IRAG2: variants seen among roughly 807,000 people sequenced by gnomAD.
The protein encoded by IRAG2 is inositol 1,4,5-triphosphate receptor associated 2, also known as lymphoid restricted membrane protein.
Under a neutral mutation model 69.9 loss-of-function variants are expected in IRAG2, and 45 were observed. That is an observed-to-expected ratio of 0.64 (90% CI 0.51 to 0.83). IRAG2 has a LOEUF of 0.83. IRAG2 is among the 40% of genes least tolerant of loss of function. The probability of loss-of-function intolerance (pLI) is 0.00; values close to 1 mark genes in which losing one functional copy is unlikely to be tolerated. For missense variants in IRAG2, 520 were observed against 587.0 expected, an observed-to-expected ratio of 0.89 and a Z score of 1.18; for synonymous variants, 193 against 202.4, an observed-to-expected ratio of 0.95 and a Z score of 0.40.
intron 20 of IRAG2, 87 bp from the exon 21 acceptor site, chr12:25,106,841 TTTGTGAGCCTCTTGA>T (rs2140283911): frequency 7.0e-6 from 3 of 428,000 alleles, no homozygotes; most frequent in Middle Eastern, 6.2e-4. Context: ...AGAACAAATA[TTTGTGAGCCTCTTGA>T]GTTACAGTAA....
At position 25,107,861 on chromosome 12, in the gene IRAG2, T is replaced by A. The variant is rs1445140674; in HGVS notation, c.1301T>A (p.Ile434Asn). Reference protein sequence around the residue: ...ASWATNLKSSIRKANKALWLS... With the variant: ...ASWATNLKSSNRKANKALWLS... ...TGGGCAACAAATCTCAAGTCCTCCA[T>A]CAGAAAGGCTAATAAGGCCCTCTGG... is the stretch of plus-strand genomic sequence containing the variant. Residue 434 changes from isoleucine to asparagine, a missense_variant, in exon 22 of 22, where the codon ATC (isoleucine) becomes AAC (asparagine). Transcript: ENST00000556887. 2.5e-6 allele frequency: 4 copies of A among 1,613,930 alleles called. No homozygotes were observed. Among genetic ancestry groups the A allele is most frequent in the Non-Finnish European group, 3.4e-6 (4 of 1,179,874 alleles).
chr12:25,076,791 T>C (rs1163228280), intron 6 of IRAG2, among the ~76,000 whole-genome samples: 1 of 152,120 alleles, frequency 6.6e-6, no homozygotes, highest in African/African-American at 2.4e-5. Flanking sequence ...TTCTTATTGA[T>C]TTTTATGAAG....
exon 1 of IRAG2, chr12:25,004,362 A>G: frequency 8.1e-7 from 1 of 1,232,158 alleles, no homozygotes; most frequent in Non-Finnish European, 1.0e-6. Flanking sequence ...CAAGGAAGGT[A>G]ACTGAGAAGC....
chr12:25,006,658 T>G (rs1349182011), intron 2 of IRAG2, among the ~76,000 whole-genome samples: 1 of 152,122 alleles, frequency 6.6e-6, no homozygotes, highest in East Asian at 1.9e-4. Flanking sequence ...CAATTTTAAG[T>G]GGGAGTTAGA....
At position 25,075,521 on chromosome 12, in the gene IRAG2, CGTGTGTGTGTGTGTGT is replaced by C. The variant is rs747046833; in HGVS notation, c.25-3702_25-3687del. On this transcript the variant is annotated intron_variant, in intron 6 of 21. Coordinates refer to ENST00000556887, the MANE Select transcript of IRAG2 (RefSeq NM_001366544.2). ...AATAATATTGCTGTGTGTGTGTATGCGTGTGTGTGTGTGTGTGTGTGTGTGTGTGTGTGTGTATGTG... is the reference window on the plus strand; with the variant it reads ...AATAATATTGCTGTGTGTGTGTATGCGTGTGTGTGTGTGTGTGTGTATGTG... Among the ~76,000 whole-genome samples, 12 of 139,372 alleles carry C rather than the reference CGTGTGTGTGTGTGTGT, an allele frequency of 8.6e-5. No individual in the cohort carries two copies. In the South Asian group the frequency reaches 2.6e-3, roughly 30 times the overall value. 91.4% of individuals were successfully genotyped at this position (139,372 alleles called of 152,430 possible).
chr12:25,107,844 A>C lies in IRAG2; in HGVS notation c.1284A>C (p.Thr428=). ...ATGACACAATAGCTTCCTGGGCAAC[A>C]AATCTCAAGTCCTCCATCAGAAAGG... The part of the protein sequence containing the change: ...SVYDTIASWA[T]NLKSSIRKAN... The change falls in exon 22 of 22, where the codon ACA becomes ACC. Residue 428 remains threonine, a synonymous_variant. Transcript: ENST00000556887. 1 of 1,613,704 alleles carries C rather than the reference A, an allele frequency of 6.2e-7. No homozygotes were observed. The highest frequency in any genetic ancestry group is 8.5e-7 in the Non-Finnish European group (1 of 1,179,568).
At chr12:25,086,279 C>T (rs537790920) in intron 10 of IRAG2, among the ~76,000 whole-genome samples, 8 of 50,672 alleles carry the variant, frequency 1.6e-4, no homozygotes, top group African/African-American at 4.5e-4. Flanking sequence ...TGACATGTCA[C>T]GGGTATGGGA....
chr12:25,051,161 A>G (rs889056463), upstream of IRAG2, among the ~76,000 whole-genome samples: 7 of 152,038 alleles, frequency 4.6e-5, no homozygotes, highest in African/African-American at 1.7e-4. Flanking sequence ...AGAGAGAAAA[A>G]GAGAGTGAGA....
Position 25,104,063 on chromosome 12 carries a change from G to A in IRAG2, c.1046+5G>A. On this transcript the variant is annotated splice_donor_5th_base_variant and intron_variant, in intron 19 of 21. Transcript: ENST00000556887. Reference sequence around the variant, plus strand: ...CAGTAGAAGGTCAAGCAGTTGGTAAGTGTAATTTTATGGTTCCTCTTTGGG... The same window carrying A: ...CAGTAGAAGGTCAAGCAGTTGGTAAATGTAATTTTATGGTTCCTCTTTGGG... 1 of 1,612,890 alleles carries A rather than the reference G, an allele frequency of 6.2e-7. No individual in the cohort carries two copies. Among genetic ancestry groups the A allele is most frequent in the Non-Finnish European group, 8.5e-7 (1 of 1,179,498 alleles).
Position 25,107,875 on chromosome 12 carries a change from A to G in IRAG2, c.1315A>G (p.Lys439Glu), listed in dbSNP as rs376324017. 1 of 1,614,138 alleles carries G rather than the reference A, an allele frequency of 6.2e-7. No homozygotes were observed. Among genetic ancestry groups the G allele is most frequent in the Non-Finnish European group, 8.5e-7 (1 of 1,179,950 alleles). ...CAAGTCCTCCATCAGAAAGGCTAATAAGGCCCTCTGGCTCTCTATTGCATT... is the reference window on the plus strand; with the variant it reads ...CAAGTCCTCCATCAGAAAGGCTAATGAGGCCCTCTGGCTCTCTATTGCATT... ...NLKSSIRKAN[K>E]ALWLSIAFIV... The change falls in exon 22 of 22, where the codon AAG (lysine) becomes GAG (glutamate). Residue 439 changes from lysine to glutamate, a missense_variant. Transcript: ENST00000556887.
At chr12:25,086,852 G>A (rs1565574423) in intron 10 of IRAG2, among the ~76,000 whole-genome samples, 1 of 152,164 alleles carries the variant, frequency 6.6e-6, no homozygotes, top group African/African-American at 2.4e-5. Context: ...AAGGGGTAGA[G>A]TAGTTAATTG....
At chr12:25,077,207 A>C (rs985158613) in intron 6 of IRAG2, among the ~76,000 whole-genome samples, 4 of 88,312 alleles carry the variant, frequency 4.5e-5, no homozygotes, top group African/African-American at 1.4e-4. Context: ...AAATATATAT[A>C]TGATATATAT....
At chr12:25,033,418 G>A (rs143003621) in intron 12 of IRAG2, among the ~76,000 whole-genome samples, 69 of 152,304 alleles carry the variant, frequency 4.5e-4, no homozygotes, top group African/African-American at 1.7e-3. Context: ...AATGGAATAT[G>A]CACGCATCTA....
In IRAG2 at chr12:25,100,241, A is replaced by AG. The variant is rs1432011049; in HGVS notation, c.742-935dup. Among the ~76,000 whole-genome samples the AG allele has an allele frequency of 6.6e-5, 10 of 152,180 alleles. No individual in the cohort carries two copies. In the South Asian group the frequency reaches 1.9e-3, roughly 28 times the overall value. On this transcript the variant is annotated intron_variant, in intron 15 of 21. Transcript: ENST00000556887. ...GAAGGAGGGAGGGAGGAAGCAAAGA[A>AG]GGAATAGTGTTGGTGAGGATGTGGG...
At chr12:25,004,819 A>G in exon 1 of IRAG2, 1 of 1,232,128 alleles carries the variant, frequency 8.1e-7, no homozygotes, top group Non-Finnish European at 1.0e-6. Flanking sequence ...TAATTTTAGT[A>G]CCTTAACACT....
At chr12:25,107,783 C>T (rs200457909) in intron 21 of IRAG2, 34 bp from the exon 22 acceptor site, 73 of 1,593,582 alleles carry the variant, frequency 4.6e-5, no homozygotes, top group Middle Eastern at 1.7e-4. Flanking sequence ...GACAAATTAC[C>T]GATTACCAAA....
intron 4 of IRAG2, 108 bp from the exon 5 acceptor site, chr12:25,066,257 G>C (rs1464979849): frequency 1.3e-5 from 5 of 394,968 alleles, no homozygotes; most frequent in Non-Finnish European, 1.8e-5. Context: ...GAATAGAAGC[G>C]GGTTAACTTT....
intron 19 of IRAG2, 22 bp downstream of exon 19, chr12:25,104,080 C>T (rs1362726718): frequency 6.2e-7 from 1 of 1,608,010 alleles, no homozygotes; most frequent in Non-Finnish European, 8.5e-7. Context: ...TTTATGGTTC[C>T]TCTTTGGGAA....
chr12:25,078,453 T>C (rs1489831241), intron 6 of IRAG2, among the ~76,000 whole-genome samples: 2 of 152,256 alleles, frequency 1.3e-5, no homozygotes, highest in Admixed American at 1.3e-4. Context: ...CTTTTTACTT[T>C]GTGTAGGTTT....
Sources: allele counts gnomAD v4.1 joint callset (sites outside exome capture counted in the v4.1 genomes callset), GRCh38; gene constraint gnomAD v4.1.1; transcripts MANE v1.5; gene names NCBI Gene and HGNC (gene_info 2026-07-23, HGNC 2026-07-21).